BEND6: variants seen among roughly 807,000 people sequenced by gnomAD.
The protein encoded by BEND6 is BEN domain-containing protein 6.
Under a neutral mutation model 31.8 loss-of-function variants are expected in BEND6, and 24 were observed. That is an observed-to-expected ratio of 0.75 (90% CI 0.55 to 1.06). BEND6 has a LOEUF of 1.06. Among genes scored for constraint, BEND6 ranks in the 50% least tolerant of loss-of-function variants. The probability of loss-of-function intolerance (pLI) is 0.00; values close to 1 mark genes in which losing one functional copy is unlikely to be tolerated. For missense variants in BEND6, 294 were observed against 327.4 expected, an observed-to-expected ratio of 0.90 and a Z score of 0.79; for synonymous variants, 109 against 114.6, an observed-to-expected ratio of 0.95 and a Z score of 0.31.
At chr6:57,004,482 C>A in intron 3 of BEND6, 2 of 659,014 alleles carry the variant, frequency 3.0e-6, no homozygotes, top group Non-Finnish European at 5.6e-6. Context: ...CGCCCTGGGA[C>A]CGTCCCAAGG....
intron 2 of BEND6, among the ~76,000 whole-genome samples, chr6:56,986,344 G>A (rs988224967): frequency 4.6e-5 from 7 of 152,036 alleles, no homozygotes; most frequent in East Asian, 1.9e-4. Context: ...AGGCTAAGGC[G>A]GGAGGACTGC....
At chr6:57,022,144 ATTTTTCTT>A (rs149816859) in intron 6 of BEND6, among the ~76,000 whole-genome samples, 14,080 of 139,230 alleles carry the variant, frequency 0.1, 826 homozygotes, top group Middle Eastern at 0.18. Flanking sequence ...CTCCTCTTCA[ATTTTTCTT>A]TTTTTCTTTT....
chr6:57,016,193 A>G lies in BEND6; in HGVS notation c.519+840A>G, dbSNP rs891083045. On this transcript the variant is annotated intron_variant, in intron 4 of 6. Coordinates refer to ENST00000370746, the MANE Select transcript of BEND6 (RefSeq NM_152731.3). ...CTTAATCAAGACACAGATGCTAAAAAGACAGGAGTTTTGTTAGAATCAGGT... is the reference window on the plus strand; with the variant it reads ...CTTAATCAAGACACAGATGCTAAAAGGACAGGAGTTTTGTTAGAATCAGGT... Among the ~76,000 whole-genome samples, 3 of 152,204 alleles carry G rather than the reference A, an allele frequency of 2.0e-5. No individual in the cohort carries two copies. The East Asian group carries it at 5.8e-4, about 29-fold the overall frequency.
intron 1 of BEND6, among the ~76,000 whole-genome samples, chr6:56,966,453 G>A (rs990421658): frequency 6.6e-6 from 1 of 152,170 alleles, no homozygotes; most frequent in Non-Finnish European, 1.5e-5. Context: ...GGGACAAGTA[G>A]TAACACAATA....
chr6:56,968,318 T>C (rs1380173274), intron 1 of BEND6, among the ~76,000 whole-genome samples: 6 of 119,496 alleles, frequency 5.0e-5, no homozygotes, highest in East Asian at 4.9e-4. Flanking sequence ...TTTTCTTTTT[T>C]TTTTTTTTTT....
chr6:57,009,554 T>G (rs1827274579), intron 3 of BEND6: 1 of 152,194 alleles, frequency 6.6e-6, no homozygotes, highest in Non-Finnish European at 1.5e-5. Context: ...GAACGATGAC[T>G]CCTTGGATAA....
chr6:56,964,799 T>G (rs903816744), intron 1 of BEND6, among the ~76,000 whole-genome samples: 13 of 152,198 alleles, frequency 8.5e-5, no homozygotes, highest in African/African-American at 2.9e-4. Flanking sequence ...CCTGGCCTCT[T>G]CTCAGTCTTT....
chr6:57,010,199 A>T (rs1441878011), intron 3 of BEND6: 1 of 152,228 alleles, frequency 6.6e-6, no homozygotes, highest in Admixed American at 6.5e-5. Flanking sequence ...AATATGTCAA[A>T]TACCACCTAA....
intron 1 of BEND6, among the ~76,000 whole-genome samples, chr6:56,968,218 C>CT (rs762752047): frequency 2.0e-4 from 31 of 151,364 alleles, no homozygotes; most frequent in Non-Finnish European, 4.4e-4. Context: ...GAATGTTTTT[C>CT]TTTCCTTTCC....
At chr6:57,019,891 G>A (rs996497407) in intron 6 of BEND6, among the ~76,000 whole-genome samples, 18 of 152,100 alleles carry the variant, frequency 1.2e-4, no homozygotes, top group Admixed American at 9.2e-4. Flanking sequence ...CCAGGAGTTC[G>A]AGACCAGCCT....
At chr6:56,979,594 A>G (rs1451262740) in intron 1 of BEND6, among the ~76,000 whole-genome samples, 1 of 152,206 alleles carries the variant, frequency 6.6e-6, no homozygotes, top group Non-Finnish European at 1.5e-5. Context: ...AGGAAACACT[A>G]ACTCTGAACC....
At position 57,005,463 on chromosome 6, in the gene BEND6, G is replaced by A. The variant is rs1196095260; in HGVS notation, c.299-9670G>A. Among the ~76,000 whole-genome samples the A allele has an allele frequency of 2.6e-5, 4 of 152,134 alleles. No individual in the cohort carries two copies. In the South Asian group the frequency reaches 8.3e-4, roughly 32 times the overall value. ...GGCCAAGGCGGGTGGACCACCTGAG[G>A]TCAAGAGTTGGAGACCAGGCTGGCC... On this transcript the variant is annotated intron_variant, in intron 3 of 6. Transcript: ENST00000370746.
chr6:57,020,277 ATTTTTTT>A (rs1247013962), intron 6 of BEND6, among the ~76,000 whole-genome samples: 7 of 130,870 alleles, frequency 5.3e-5, no homozygotes, highest in African/African-American at 1.9e-4. Flanking sequence ...CAAGTTCTCT[ATTTTTTT>A]TTTTTTTTTT....
At chr6:56,955,481 G>C (rs1199817491) in intron 1 of BEND6, 21 bp downstream of exon 1, 1 of 152,330 alleles carries the variant, frequency 6.6e-6, no homozygotes, top group Non-Finnish European at 1.5e-5. Context: ...GCTTGTGGGG[G>C]TTTCCTCGCA....
chr6:56,976,197 CT>C (rs530764397), intron 1 of BEND6: 5,186 of 151,756 alleles, frequency 0.034, 4 homozygotes, highest in South Asian at 0.077. Flanking sequence ...AGTGTTAGTG[CT>C]TTTTTTTTTT....
chr6:56,989,547 T>C (rs1826414773), intron 2 of BEND6, among the ~76,000 whole-genome samples: 1 of 152,180 alleles, frequency 6.6e-6, no homozygotes, highest in African/African-American at 2.4e-5. Flanking sequence ...CTTTCCAGAG[T>C]AGTTCTGCCA....
At chr6:57,010,863 G>A (rs1827319727) in intron 3 of BEND6, 1 of 691,886 alleles carries the variant, frequency 1.4e-6, no homozygotes. Context: ...AATTATGTGT[G>A]TTTAAAATGT....
chr6:56,975,789 CA>C, intron 1 of BEND6: 1 of 530,938 alleles, frequency 1.9e-6, no homozygotes, highest in South Asian at 1.5e-5. Context: ...AAGCTGGATG[CA>C]AGTCCTTCCA....
chr6:56,963,101 C>T (rs1339246655), intron 1 of BEND6, among the ~76,000 whole-genome samples: 1 of 152,196 alleles, frequency 6.6e-6, no homozygotes, highest in Non-Finnish European at 1.5e-5. Flanking sequence ...TTCTTCAGCA[C>T]TTCACAAACC....
Sources: allele counts gnomAD v4.1 joint callset (sites outside exome capture counted in the v4.1 genomes callset), GRCh38; gene constraint gnomAD v4.1.1; transcripts MANE v1.5; gene names NCBI Gene and HGNC (gene_info 2026-07-23, HGNC 2026-07-21).